Variants in ATF7 observed in about 807,000 individuals in gnomAD.
ATF7 encodes the protein activating transcription factor 7, also known as cyclic AMP-dependent transcription factor ATF-7.
A neutral mutation model predicts 50.4 loss-of-function variants in ATF7; 10 were observed. The observed-to-expected ratio is 0.20, with a 90% confidence interval of 0.12 to 0.34. The LOEUF is 0.34. ATF7 is among the 10% of genes least tolerant of loss of function. The pLI, the probability that ATF7 is intolerant of heterozygous loss-of-function variation, is 1.00. For synonymous variants in ATF7, 201 were observed against 226.4 expected (o/e 0.89, Z 1.01); for missense variants, 465 against 613.9 (o/e 0.76, Z 2.56).
chr12:53,576,701 A>AAAAC lies in ATF7; in HGVS notation c.49-24068_49-24065dup, dbSNP rs556071136. ...GAGAAAATAAATTTCTGTTCTTTAT[A>AAAAC]AAACAAACAAACAAACAAACAAACA... On this transcript the variant is annotated intron_variant, in intron 2 of 11. Transcript: ENST00000420353. Among the ~76,000 whole-genome samples the AAAAC allele has an allele frequency of 4.5e-3, 686 of 152,234 alleles. 3 individuals are homozygous for AAAAC. Among genetic ancestry groups the AAAAC allele is most frequent in the African/African-American group, 8.5e-3 (353 of 41,518 alleles).
At chr12:53,595,007 A>G (rs1191989509) in intron 2 of ATF7, among the ~76,000 whole-genome samples, 2 of 152,230 alleles carry the variant, frequency 1.3e-5, no homozygotes, top group Non-Finnish European at 2.9e-5. Context: ...AAGTTACTGC[A>G]AAGTCAACAT....
At chr12:53,519,756 G>T (rs1459868689) in intron 11 of ATF7, among the ~76,000 whole-genome samples, 1 of 151,946 alleles carries the variant, frequency 6.6e-6, no homozygotes, top group Non-Finnish European at 1.5e-5. Flanking sequence ...TGTTTTTTTG[G>T]TATTTTTTTA....
chr12:53,550,048 G>C (rs1341330253), intron 3 of ATF7, among the ~76,000 whole-genome samples: 1 of 151,952 alleles, frequency 6.6e-6, no homozygotes, highest in African/African-American at 2.4e-5. Context: ...AAGGGCCCAG[G>C]GGGGCGGCTC....
chr12:53,561,001 A>G (rs189782507), intron 2 of ATF7, among the ~76,000 whole-genome samples: 1 of 147,002 alleles, frequency 6.8e-6, no homozygotes, highest in Non-Finnish European at 1.5e-5. Flanking sequence ...GCTGGAGTGC[A>G]GTGATGTGAT....
intron 1 of ATF7, among the ~76,000 whole-genome samples, chr12:53,603,630 C>T (rs1345456628): frequency 1.3e-5 from 2 of 151,708 alleles, no homozygotes; most frequent in Non-Finnish European, 1.5e-5. Flanking sequence ...TGCCTCTTGT[C>T]GTTTCCATTA....
chr12:53,540,684 C>T lies in ATF7; in HGVS notation c.264+2646G>A, dbSNP rs560807932. On this transcript the variant is annotated intron_variant, in intron 4 of 11. Transcript: ENST00000420353. ...GAGGTTGCAGTAAGCCGAGATTGCGCTACTGCACTCCAGCCAGGGTGACAG... is the reference window on the plus strand; with the variant it reads ...GAGGTTGCAGTAAGCCGAGATTGCGTTACTGCACTCCAGCCAGGGTGACAG... Among the ~76,000 whole-genome samples, 6 of 151,984 alleles carry T rather than the reference C, an allele frequency of 3.9e-5. No homozygotes were observed. In the South Asian group the frequency reaches 1.0e-3, roughly 26 times the overall value.
At position 53,524,728 on chromosome 12, in the gene ATF7, C is replaced by G; in HGVS notation, c.961G>C (p.Gly321Arg). Residue 321 changes from glycine to arginine, a missense_variant, in exon 10 of 12, where the codon GGG becomes CGG. Coordinates refer to ENST00000420353, the MANE Select transcript of ATF7 (RefSeq NM_006856.3). This position sits in a 1 kb window ranked among gnomAD's most constrained non-coding sequence, Gnocchi z 4.6. ...SPAQPTPSTG[G>R]RRRRTVDEDP... ...TCATCTACTGTGCGCCGCCGTCGCC[C>G]CCCAGTACTAGGGGTGGGCTGAGCT... 6.2e-7 allele frequency: 1 copy of G among 1,611,614 alleles called. No homozygotes were observed. The highest frequency in any genetic ancestry group is 8.5e-7 in the Non-Finnish European group (1 of 1,179,210).
chr12:53,522,784 G>T, intron 11 of ATF7: 1 of 152,250 alleles, frequency 6.6e-6, no homozygotes, highest in Non-Finnish European at 1.5e-5. Context: ...GGAGAATGGC[G>T]TGAACCTGGG....
chr12:53,570,366 A>T (rs1216416771), intron 2 of ATF7, among the ~76,000 whole-genome samples: 1 of 152,176 alleles, frequency 6.6e-6, no homozygotes, highest in African/African-American at 2.4e-5. Flanking sequence ...GAGAAAGGAA[A>T]ATACAAAGGC....
chr12:53,585,556 AAAAAG>A (rs1265635072), intron 2 of ATF7, among the ~76,000 whole-genome samples: 1 of 152,204 alleles, frequency 6.6e-6, no homozygotes, highest in Non-Finnish European at 1.5e-5. Flanking sequence ...GCATAAATGA[AAAAAG>A]AAAAGACTGA....
intron 2 of ATF7, among the ~76,000 whole-genome samples, chr12:53,555,062 T>C (rs1940636481): frequency 6.6e-6 from 1 of 151,806 alleles, no homozygotes; most frequent in African/African-American, 2.4e-5. Flanking sequence ...TGGCTCATGC[T>C]TGTAATCCCA....
Position 53,540,640 on chromosome 12 carries a change from C to T in ATF7, c.264+2690G>A, listed in dbSNP as rs185455944. On this transcript the variant is annotated intron_variant, in intron 4 of 11. Transcript: ENST00000420353. The stretch of plus-strand genomic sequence containing the variant: ...ACTCGGGAGGCTGAGGCAGGAGAAT[C>T]GCTTGAACCTGGGAGGTGGAGGTTG... 2.2e-4 allele frequency among the ~76,000 whole-genome samples: 34 copies of T among 151,978 alleles called. No individual in the cohort carries two copies. The South Asian group carries it at 2.7e-3, about 12-fold the overall frequency.
At chr12:53,572,449 G>T (rs1340965172) in intron 2 of ATF7, among the ~76,000 whole-genome samples, 1 of 152,144 alleles carries the variant, frequency 6.6e-6, no homozygotes, top group East Asian at 1.9e-4. Flanking sequence ...AAAATGCCAG[G>T]GAGACCCAGT....
chr12:53,519,993 G>A (rs547551406), intron 11 of ATF7, among the ~76,000 whole-genome samples: 9 of 152,142 alleles, frequency 5.9e-5, no homozygotes, highest in South Asian at 2.1e-4. Flanking sequence ...TGATCCGCCC[G>A]CCTCAGCCTC....
At chr12:53,584,677 A>G (rs1400838353) in intron 2 of ATF7, among the ~76,000 whole-genome samples, 1 of 152,372 alleles carries the variant, frequency 6.6e-6, no homozygotes, top group South Asian at 2.1e-4. Context: ...ATTGTGGTAC[A>G]TTCAGACAAT....
At chr12:53,510,692 C>G (rs1268228034), downstream of ATF7, among the ~76,000 whole-genome samples, 1 of 152,226 alleles carries the variant, frequency 6.6e-6, no homozygotes, top group Non-Finnish European at 1.5e-5. Flanking sequence ...TAGTATTTCT[C>G]TAAACATCAA....
intron 11 of ATF7, among the ~76,000 whole-genome samples, chr12:53,518,915 A>G (rs1164313629): frequency 2.0e-5 from 3 of 151,390 alleles, no homozygotes; most frequent in East Asian, 3.9e-4. Flanking sequence ...TTAGCTGGGC[A>G]TGGTGGCGGG....
intron 4 of ATF7, among the ~76,000 whole-genome samples, chr12:53,538,588 A>G (rs761922126): frequency 1.6e-4 from 25 of 152,192 alleles, no homozygotes; most frequent in Non-Finnish European, 2.8e-4. Context: ...GCAGGGAACA[A>G]TAAACCATCT....
At chr12:53,582,739 C>T (rs996509548) in intron 2 of ATF7, among the ~76,000 whole-genome samples, 2 of 152,084 alleles carry the variant, frequency 1.3e-5, no homozygotes, top group South Asian at 2.1e-4. Flanking sequence ...CCACCACGCC[C>T]GGCTAATTTT....
Sources: allele counts gnomAD v4.1 joint callset (sites outside exome capture counted in the v4.1 genomes callset), GRCh38; gene constraint gnomAD v4.1.1; non-coding constraint Gnocchi (gnomAD v3.1); transcripts MANE v1.5; gene names NCBI Gene and HGNC (gene_info 2026-07-23, HGNC 2026-07-21).